TBL1XR1: variants seen among roughly 807,000 people sequenced by gnomAD.
The protein encoded by TBL1XR1 is F-box-like/WD repeat-containing protein TBL1XR1.
TBL1XR1 carries 5 observed loss-of-function variants against 66.9 expected under a neutral mutation model. That is an observed-to-expected ratio of 0.07 (90% CI 0.04 to 0.16). The LOEUF (loss-of-function observed/expected upper bound fraction) is 0.16, where lower values mean the gene tolerates loss of function less well. Among genes scored for constraint, TBL1XR1 ranks in the 10% least tolerant of loss-of-function variants. The pLI is 1.00. For missense variants in TBL1XR1, 238 were observed against 623.2 expected, an observed-to-expected ratio of 0.38 and a Z score of 6.58; for synonymous variants, 210 against 206.0, an observed-to-expected ratio of 1.02 and a Z score of -0.17.
intron 1 of TBL1XR1, among the ~76,000 whole-genome samples, chr3:177,133,667 G>C (rs1037099262): frequency 6.6e-6 from 1 of 151,852 alleles, no homozygotes; most frequent in South Asian, 2.1e-4. Flanking sequence ...TTTGAGAGGC[G>C]GAGGCAGATG....
At chr3:177,183,496 A>C (rs1430213978) in intron 1 of TBL1XR1, among the ~76,000 whole-genome samples, 1 of 152,142 alleles carries the variant, frequency 6.6e-6, no homozygotes, top group Non-Finnish European at 1.5e-5. Flanking sequence ...GGAGAAAAGT[A>C]GGGATTCCAC....
At chr3:177,044,122 C>T (rs1347195330) in intron 10 of TBL1XR1, among the ~76,000 whole-genome samples, 1 of 152,090 alleles carries the variant, frequency 6.6e-6, no homozygotes, top group Non-Finnish European at 1.5e-5. Flanking sequence ...CATTTCTTCC[C>T]GCAGCATCGA....
At chr3:177,062,865 G>T (rs1164306205) in intron 3 of TBL1XR1, among the ~76,000 whole-genome samples, 6 of 151,924 alleles carry the variant, frequency 3.9e-5, no homozygotes, top group Non-Finnish European at 8.8e-5. Flanking sequence ...TTTTGGGCCG[G>T]GTGTAATGCC....
intron 1 of TBL1XR1, among the ~76,000 whole-genome samples, chr3:177,183,973 G>C (rs1434735992): frequency 6.6e-6 from 1 of 151,026 alleles, no homozygotes; most frequent in Non-Finnish European, 1.5e-5. Context: ...CTCCTACCTA[G>C]TCTCCTGTTA....
intron 2 of TBL1XR1, among the ~76,000 whole-genome samples, chr3:177,096,814 T>C (rs1723553986): frequency 6.6e-6 from 1 of 152,164 alleles, no homozygotes; most frequent in Admixed American, 6.5e-5. Context: ...CAGCAAGTGC[T>C]TTATAAATTA....
chr3:177,141,005 C>A (rs1006830994), intron 1 of TBL1XR1, among the ~76,000 whole-genome samples: 2 of 152,154 alleles, frequency 1.3e-5, no homozygotes, highest in African/African-American at 4.8e-5. Flanking sequence ...CTGGACACCC[C>A]TGCTCTAATC....
chr3:177,192,776 T>C (rs545547501), intron 1 of TBL1XR1, among the ~76,000 whole-genome samples: 9 of 152,352 alleles, frequency 5.9e-5, no homozygotes, highest in Non-Finnish European at 1.0e-4. Flanking sequence ...ATGTCAACCA[T>C]TGTTCTAAGT....
intron 1 of TBL1XR1, among the ~76,000 whole-genome samples, chr3:177,112,885 C>T (rs1311336141): frequency 6.6e-6 from 1 of 151,896 alleles, no homozygotes; most frequent in South Asian, 2.1e-4. Flanking sequence ...TGCCTGGAGT[C>T]GCAGCTACTC....
At chr3:177,175,028 T>C (rs555964334) in intron 1 of TBL1XR1, among the ~76,000 whole-genome samples, 10 of 152,326 alleles carry the variant, frequency 6.6e-5, no homozygotes, top group African/African-American at 2.4e-4. Flanking sequence ...AAGACCAAAC[T>C]GTTTGGCATC....
chr3:177,037,013 C>T (rs879296884), intron 12 of TBL1XR1, among the ~76,000 whole-genome samples: 1 of 152,042 alleles, frequency 6.6e-6, no homozygotes, highest in Non-Finnish European at 1.5e-5. Context: ...TGCTTAGGTG[C>T]GAGACAGCAG....
chr3:177,056,777 G>A (rs913790823), intron 3 of TBL1XR1, among the ~76,000 whole-genome samples: 2 of 151,716 alleles, frequency 1.3e-5, no homozygotes, highest in African/African-American at 4.9e-5. Context: ...CTTGGCATTT[G>A]ACAATTTACC....
Position 177,088,856 on chromosome 3 carries a change from T to TTC in TBL1XR1, c.-46+9608_-46+9609dup, listed in dbSNP as rs528283406. Among the ~76,000 whole-genome samples the TTC allele has an allele frequency of 2.2e-3, 332 of 152,340 alleles. 3 individuals are homozygous for TTC. The highest frequency in any genetic ancestry group is 7.5e-3 in the African/African-American group (311 of 41,580). ...CACACAATATCATGCGACAATGTCC[T>TTC]TCTTTCTTCACATTTAATAATACCA... is the stretch of plus-strand genomic sequence containing the variant. On this transcript the variant is annotated intron_variant, in intron 2 of 15. Coordinates refer to ENST00000457928, the MANE Select transcript of TBL1XR1 (RefSeq NM_024665.7).
intron 1 of TBL1XR1, among the ~76,000 whole-genome samples, chr3:177,188,348 A>G (rs1735699399): frequency 6.6e-6 from 1 of 152,118 alleles, no homozygotes; most frequent in African/African-American, 2.4e-5. Context: ...CAGAGGTTCA[A>G]ACCAGCCTGG....
intron 2 of TBL1XR1, among the ~76,000 whole-genome samples, chr3:177,065,544 C>T (rs555580668): frequency 4.9e-4 from 74 of 152,210 alleles, no homozygotes; most frequent in African/African-American, 1.6e-3. Flanking sequence ...TCTCAAAAAG[C>T]TCTAGGTATG....
At chr3:177,134,955 G>GTGTGTGTGTGTC (rs772884680) in intron 1 of TBL1XR1, among the ~76,000 whole-genome samples, 3,146 of 141,834 alleles carry the variant, frequency 0.022, 56 homozygotes, top group Non-Finnish European at 0.035. Context: ...CTGTGTGTGT[G>GTGTGTGTGTGTC]TGTGTGTGTG....
chr3:177,126,072 A>G (rs1727586705), intron 1 of TBL1XR1: 1 of 152,210 alleles, frequency 6.6e-6, no homozygotes, highest in Non-Finnish European at 1.5e-5. Flanking sequence ...GGGACATGCT[A>G]ATCTTTGTAT....
At chr3:177,085,693 A>C (rs978486300) in intron 2 of TBL1XR1, among the ~76,000 whole-genome samples, 5 of 152,218 alleles carry the variant, frequency 3.3e-5, no homozygotes, top group Admixed American at 2.0e-4. Flanking sequence ...CCTGAATAAG[A>C]GATTACATAT....
At chr3:177,082,168 C>T (rs1429413529) in intron 2 of TBL1XR1, among the ~76,000 whole-genome samples, 2 of 152,000 alleles carry the variant, frequency 1.3e-5, no homozygotes, top group Non-Finnish European at 2.9e-5. Flanking sequence ...CACAACATAG[C>T]ACTTTTACTT....
chr3:177,192,498 C>T (rs539995836), intron 1 of TBL1XR1, among the ~76,000 whole-genome samples: 79 of 134,864 alleles, frequency 5.9e-4, no homozygotes, highest in African/African-American at 2.1e-3. Flanking sequence ...GCAACAAAGG[C>T]ATGCAAAAAA....
Sources: gnomAD v4.1 joint callset for allele counts (sites outside exome capture counted in the v4.1 genomes callset) on GRCh38, gnomAD v4.1.1 for gene constraint, MANE v1.5 for transcripts, NCBI Gene and HGNC (gene_info 2026-07-23, HGNC 2026-07-21) for gene names.